The following ITPR2 variants were observed in gnomAD, a reference collection of about 807,000 sequenced individuals.
The protein encoded by ITPR2 is inositol 1,4,5-trisphosphate-gated calcium channel ITPR2.
A neutral mutation model predicts 317.1 loss-of-function variants in ITPR2; 207 were observed. That is an observed-to-expected ratio of 0.65 (90% CI 0.58 to 0.73). The LOEUF (loss-of-function observed/expected upper bound fraction) is 0.73, where lower values mean the gene tolerates loss of function less well. Ranked by LOEUF, ITPR2 falls within the 30% of genes least tolerant of loss-of-function variation. The probability of loss-of-function intolerance (pLI) is 0.00; values close to 1 mark genes in which losing one functional copy is unlikely to be tolerated. For missense variants in ITPR2, 2,613 were observed against 3,284.0 expected (o/e 0.80, Z 4.99); for synonymous variants, 1,156 against 1,149.1 (o/e 1.01, Z -0.12).
chr12:26,717,658 G>A (rs1948765227), intron 5 of ITPR2, among the ~76,000 whole-genome samples: 1 of 152,186 alleles, frequency 6.6e-6, no homozygotes, highest in Admixed American at 6.5e-5. Context: ...TATCATTCGT[G>A]TACAAATGTG....
intron 46 of ITPR2, among the ~76,000 whole-genome samples, chr12:26,440,268 G>T (rs566299012): frequency 3.0e-4 from 45 of 152,098 alleles, no homozygotes; most frequent in Non-Finnish European, 4.1e-4. Context: ...AAAGTTTTTT[G>T]TTGTTGTTGT....
rs549186017 is a variant in ITPR2 at position 26,778,337 on chromosome 12, G to A, written c.163+11820C>T. On this transcript the variant is annotated intron_variant, in intron 2 of 56. Transcript: ENST00000381340. ...GGGTGATGATTCACATCACATCCCCGTTCAACTCCCCTATCTGGCCTGTGC... is the reference window on the plus strand; with the variant it reads ...GGGTGATGATTCACATCACATCCCCATTCAACTCCCCTATCTGGCCTGTGC... Among the ~76,000 whole-genome samples the A allele has an allele frequency of 1.4e-4, 21 of 152,234 alleles. 1 individual carries two copies. The highest frequency in any genetic ancestry group is 4.3e-4 in the African/African-American group (18 of 41,504).
chr12:26,514,283 C>T (rs1012996895), intron 37 of ITPR2, among the ~76,000 whole-genome samples: 2 of 152,080 alleles, frequency 1.3e-5, no homozygotes, highest in Non-Finnish European at 2.9e-5. Context: ...GGATTTGTAT[C>T]AATTTATGTT....
intron 45 of ITPR2, among the ~76,000 whole-genome samples, chr12:26,460,178 C>T (rs899502297): frequency 2.0e-5 from 3 of 152,166 alleles, no homozygotes; most frequent in Admixed American, 6.5e-5. Flanking sequence ...CCTCCTGATC[C>T]GACCCTGCCT....
intron 2 of ITPR2, among the ~76,000 whole-genome samples, chr12:26,747,716 G>A (rs1441661027): frequency 1.3e-5 from 2 of 152,144 alleles, no homozygotes; most frequent in African/African-American, 4.8e-5. Context: ...ACAATCTTGA[G>A]ACCAATGGTT....
At chr12:26,663,478 T>G (rs1947549025) in intron 15 of ITPR2, among the ~76,000 whole-genome samples, 1 of 152,202 alleles carries the variant, frequency 6.6e-6, no homozygotes, top group Non-Finnish European at 1.5e-5. Flanking sequence ...CCTCCCCCAG[T>G]GATTCTAATT....
At chr12:26,369,825 C>T (rs1453204835) in intron 55 of ITPR2, among the ~76,000 whole-genome samples, 2 of 152,228 alleles carry the variant, frequency 1.3e-5, no homozygotes, top group East Asian at 1.9e-4. Context: ...TGAGTCAGCC[C>T]GGCTCTGGAG....
intron 27 of ITPR2, 60 bp downstream of exon 27, chr12:26,602,557 A>T: frequency 6.4e-7 from 1 of 1,567,780 alleles, no homozygotes; most frequent in Non-Finnish European, 8.7e-7. Context: ...ATAATATATA[A>T]GCAAAACTTA....
chr12:26,408,066 C>G (rs553951737), intron 52 of ITPR2, among the ~76,000 whole-genome samples: 128 of 152,330 alleles, frequency 8.4e-4, no homozygotes, highest in Non-Finnish European at 1.7e-3. Flanking sequence ...AATCTCCCAA[C>G]AGCCAATCTC....
Position 26,698,873 on chromosome 12 carries a change from C to G in ITPR2, c.952-3223G>C, listed in dbSNP as rs118078308. 6.7e-3 allele frequency among the ~76,000 whole-genome samples: 1,015 copies of G among 152,174 alleles called. 7 individuals carry two copies. Among genetic ancestry groups the G allele is most frequent in the Non-Finnish European group, 0.011 (744 of 67,998 alleles). On this transcript the variant is annotated intron_variant, in intron 9 of 56. Coordinates refer to ENST00000381340, the MANE Select transcript of ITPR2 (RefSeq NM_002223.4). Reference sequence around the variant, plus strand: ...CTCCTTTCTTCTGATTAAAGAAACACATTTTCACTTGTTAGTAAAGAAAAT... The same window carrying G: ...CTCCTTTCTTCTGATTAAAGAAACAGATTTTCACTTGTTAGTAAAGAAAAT...
At chr12:26,397,944 G>A (rs896221153) in intron 54 of ITPR2, among the ~76,000 whole-genome samples, 1 of 152,048 alleles carries the variant, frequency 6.6e-6, no homozygotes, top group Non-Finnish European at 1.5e-5. Context: ...GCCAGAAAGA[G>A]GTGATGGGTA....
In ITPR2 at chr12:26,628,098, A is replaced by G. The variant is rs756580293; in HGVS notation, c.2999T>C (p.Phe1000Ser). ...CTCCGCATTGTCATTGTCCTCTCCAAACTCCTTCTTATATATTGACAGCAT... is the reference window on the plus strand; with the variant it reads ...CTCCGCATTGTCATTGTCCTCTCCAGACTCCTTCTTATATATTGACAGCAT... Reference protein sequence around the residue: ...SYMLSIYKKEFGEDNDNAETS... With the variant: ...SYMLSIYKKESGEDNDNAETS... The change falls in exon 23 of 57, where the codon TTT becomes TCT. Residue 1000 changes from phenylalanine to serine, a missense_variant. Physicochemically the swap from Phe to Ser is radical, Grantham distance 155. Around this residue, in one of 9 missense-constraint regions of ITPR2, gnomAD observed 817 missense variants for 897.6 expected, o/e 0.91. Transcript: ENST00000381340. 7.4e-6 allele frequency: 12 copies of G among 1,612,340 alleles called. No individual in the cohort carries two copies. Among genetic ancestry groups the G allele is most frequent in the Non-Finnish European group, 1.0e-5 (12 of 1,178,536 alleles).
intron 45 of ITPR2, among the ~76,000 whole-genome samples, chr12:26,446,493 T>C (rs1941611554): frequency 6.6e-6 from 1 of 152,154 alleles, no homozygotes; most frequent in African/African-American, 2.4e-5. Flanking sequence ...AAGCTTTTAC[T>C]TCTTTATGAT....
At chr12:26,819,607 T>C (rs1490086894) in intron 1 of ITPR2, among the ~76,000 whole-genome samples, 3 of 152,174 alleles carry the variant, frequency 2.0e-5, no homozygotes, top group Non-Finnish European at 4.4e-5. Context: ...AATGTCTCCC[T>C]GGATGTATAA....
chr12:26,589,802 TAA>T (rs1565624096), intron 32 of ITPR2, among the ~76,000 whole-genome samples: 3 of 22,080 alleles, frequency 1.4e-4, no homozygotes, highest in African/African-American at 2.5e-4. Context: ...AAAAAATAAA[TAA>T]ATAAAAAATA....
intron 2 of ITPR2, among the ~76,000 whole-genome samples, chr12:26,748,656 T>C (rs866028954): frequency 1.3e-5 from 2 of 152,226 alleles, no homozygotes; most frequent in Non-Finnish European, 2.9e-5. Flanking sequence ...TGCATTTTAG[T>C]CTTAGTGAGA....
chr12:26,378,594 T>C (rs979548434), intron 55 of ITPR2, among the ~76,000 whole-genome samples: 1 of 152,198 alleles, frequency 6.6e-6, no homozygotes, highest in African/African-American at 2.4e-5. Flanking sequence ...GTACCAGAGT[T>C]CGTTCTGATT....
At position 26,428,039 on chromosome 12, in the gene ITPR2, G is replaced by T; in HGVS notation, c.6819C>A (p.Ile2273=). The change falls in exon 49 of 57, where the codon ATC becomes ATA. Residue 2273 remains isoleucine, a synonymous_variant. Transcript: ENST00000381340. Reference sequence around the variant, plus strand: ...AGAAGAAAAACAGCATAGATGTGCAGATCGCAACTGCTATCCAAAGAAGAA... The same window carrying T: ...AGAAGAAAAACAGCATAGATGTGCATATCGCAACTGCTATCCAAAGAAGAA... The part of the protein sequence containing the change: ...FSVLLWIAVA[I]CTSMLFFFSK... The T allele has an allele frequency of 6.2e-7, 1 of 1,611,670 alleles. No individual in the cohort carries two copies. Among genetic ancestry groups the T allele is most frequent in the Non-Finnish European group, 8.5e-7 (1 of 1,178,998 alleles).
rs778735019 is a variant in ITPR2, at chr12:26,419,036, G to C, written c.7110+13C>G. The C allele has an allele frequency of 1.9e-6, 3 of 1,610,960 alleles. No homozygotes were observed. In the South Asian group the frequency reaches 3.3e-5, roughly 18 times the overall value. On this transcript the variant is annotated intron_variant, in intron 50 of 56. Transcript: ENST00000381340. ...TTTTTCAGCAGTGATTGTCCACATA[G>C]AGATGTACTCACCAGGAAGCTATAG...
Sources: gnomAD v4.1 joint callset for allele counts (sites outside exome capture counted in the v4.1 genomes callset) on GRCh38, gnomAD v4.1.1 for gene constraint, gnomAD v4.1.1 regional missense constraint, MANE v1.5 for transcripts, NCBI Gene and HGNC (gene_info 2026-07-23, HGNC 2026-07-21) for gene names.